The following UNC80 variants were observed in gnomAD, a reference collection of about 807,000 sequenced individuals.
The protein encoded by UNC80 is unc-80 subunit of NALCN channel complex.
In UNC80, 164 loss-of-function variants were observed where a neutral mutation model predicts 384.6. That is an observed-to-expected ratio of 0.43 (90% CI 0.38 to 0.49). The LOEUF (loss-of-function observed/expected upper bound fraction) is 0.49. Ranked by LOEUF, UNC80 falls within the 20% of genes least tolerant of loss-of-function variation. The probability of loss-of-function intolerance (pLI) is 0.00; values close to 1 mark genes in which losing one functional copy is unlikely to be tolerated. For missense variants in UNC80, 3,330 were observed against 4,143.0 expected (o/e 0.80, Z 5.39); for synonymous variants, 1,486 against 1,527.8 (o/e 0.97, Z 0.64).
chr2:209,969,723 C>T (rs1232990569), intron 52 of UNC80, 45 bp from the exon 53 acceptor site: 2 of 1,549,302 alleles, frequency 1.3e-6, no homozygotes, highest in African/African-American at 1.4e-5. Context: ...TTCAGACTCT[C>T]CAGAAGGGAG....
Position 209,996,613 on chromosome 2 carries a change from A to C in UNC80, c.*1018A>C, listed in dbSNP as rs1434971114. 6.6e-6 allele frequency: 1 copy of C among 152,212 alleles called. No homozygotes were observed. The highest frequency in any genetic ancestry group is 1.5e-5 in the Non-Finnish European group (1 of 68,022). The allele number at this position is 152,212 out of a possible 1,614,324, so 9.4% of individuals were successfully genotyped here. On this transcript the variant is annotated 3_prime_UTR_variant, in exon 65 of 65. Transcript: ENST00000673920. ...GGAACATCTAAGTTTATAAGGAAAA[A>C]TGTATAAAGTAAGCAATTTCTTCAT...
At position 209,934,499 on chromosome 2, in the gene UNC80, C is replaced by G. The variant is rs181321067; in HGVS notation, c.6178+494C>G. 2.3e-3 allele frequency among the ~76,000 whole-genome samples: 344 copies of G among 152,262 alleles called. 1 individual carries two copies. The highest frequency in any genetic ancestry group is 8.0e-3 in the African/African-American group (333 of 41,534). On this transcript the variant is annotated intron_variant, in intron 39 of 64. Coordinates refer to ENST00000673920, the MANE Select transcript of UNC80 (RefSeq NM_001371986.1). ...TACGGTTCCTTTTCACTTCGGATAG[C>G]TTGTTTTGCCTTAAGACAAAGATTT...
chr2:209,991,325 C>T (rs760763392), intron 61 of UNC80, among the ~76,000 whole-genome samples: 9 of 152,142 alleles, frequency 5.9e-5, no homozygotes, highest in Middle Eastern at 3.2e-3. Flanking sequence ...TTCATCCCCA[C>T]GCCCATTATA....
intron 27 of UNC80, among the ~76,000 whole-genome samples, chr2:209,894,659 T>C (rs2086644583): frequency 6.6e-6 from 1 of 152,206 alleles, no homozygotes; most frequent in Non-Finnish European, 1.5e-5. Flanking sequence ...GTGGAGCCGA[T>C]GCTGCTGATT....
chr2:209,807,491 A>T (rs138515898), intron 7 of UNC80, among the ~76,000 whole-genome samples: 3,463 of 151,666 alleles, frequency 0.023, 115 homozygotes, highest in African/African-American at 0.078. Context: ...CAGCCTCCCA[A>T]GTAGCTGGGA....
At chr2:209,989,159 CAAAA>C (rs11288927) in intron 61 of UNC80, among the ~76,000 whole-genome samples, 1 of 140,728 alleles carries the variant, frequency 7.1e-6, no homozygotes, top group Non-Finnish European at 1.5e-5. Context: ...CAAAAAATAC[CAAAA>C]AAAAAAAAAA....
chr2:209,931,141 T>C (rs1200161082), intron 38 of UNC80, 87 bp downstream of exon 38: 1 of 1,032,360 alleles, frequency 9.7e-7, no homozygotes, highest in Non-Finnish European at 1.4e-6. Flanking sequence ...TTTCCATTAA[T>C]TACATTACTA....
At chr2:209,956,250 G>A (rs1319214146) in intron 48 of UNC80, among the ~76,000 whole-genome samples, 1 of 234 alleles carries the variant, frequency 4.3e-3, no homozygotes, top group Non-Finnish European at 0.013. Context: ...TCATTATTTG[G>A]TAGTAGTTAC....
chr2:209,863,716 A>G (rs906563112), intron 22 of UNC80, among the ~76,000 whole-genome samples: 3 of 151,962 alleles, frequency 2.0e-5, no homozygotes, highest in Admixed American at 1.3e-4. Context: ...TAAACTGGTT[A>G]TTCTAGTTAG....
intron 22 of UNC80, among the ~76,000 whole-genome samples, chr2:209,866,994 T>A (rs2083886157): frequency 6.6e-6 from 1 of 152,272 alleles, no homozygotes; most frequent in Non-Finnish European, 1.5e-5. Flanking sequence ...TAAATCAGGA[T>A]AACTGGAATA....
intron 47 of UNC80, among the ~76,000 whole-genome samples, chr2:209,948,275 A>C (rs2092001486): frequency 6.6e-6 from 1 of 152,112 alleles, no homozygotes. Context: ...AGGTGGTTTC[A>C]ATTTTCATTC....
intron 2 of UNC80, among the ~76,000 whole-genome samples, chr2:209,774,123 G>A (rs2076735037): frequency 1.3e-5 from 2 of 152,202 alleles, no homozygotes. Context: ...TGACCTTGTG[G>A]TAAGGAGCTC....
Position 209,967,604 on chromosome 2 carries a change from T to C in UNC80, c.7973T>C (p.Met2658Thr), listed in dbSNP as rs996026425. ...LILILKRLDR[M>T]FNKIHKMPTL... The stretch of plus-strand genomic sequence containing the variant: ...CTCATTTTAAAAAGATTGGATAGAA[T>C]GTTCAACAAAATTCATAAGATGCCT... The change falls in exon 52 of 65, where the codon ATG becomes ACG. Residue 2658 changes from methionine to threonine, a missense_variant. Physicochemically the swap from Met to Thr is moderately conservative, Grantham distance 81 (BLOSUM62 -1). This residue lies in a region of UNC80 where 1,049 missense variants were observed against 1,488.6 expected (regional missense o/e 0.70). Transcript: ENST00000673920. 1 of 1,551,628 alleles carries C rather than the reference T, an allele frequency of 6.4e-7. No homozygotes were observed. The highest frequency in any genetic ancestry group is 2.4e-5 in the East Asian group (1 of 40,920).
chr2:209,982,749 G>A (rs916459478), intron 60 of UNC80: 1 of 152,176 alleles, frequency 6.6e-6, no homozygotes, highest in African/African-American at 2.4e-5. Flanking sequence ...AAGGATCTAT[G>A]CCACTGAGTG....
chr2:209,826,819 G>T (rs2191905), intron 14 of UNC80, among the ~76,000 whole-genome samples: 2 of 151,974 alleles, frequency 1.3e-5, no homozygotes, highest in African/African-American at 4.8e-5. Context: ...TTAAAAAAAA[G>T]GAGTTTGATG....
chr2:209,829,287 C>T lies in UNC80; in HGVS notation c.2534C>T (p.Thr845Ile), dbSNP rs372195299. Residue 845 changes from threonine (T) to isoleucine (I), a missense_variant, in exon 15 of 65, where the codon ACC (threonine) becomes ATC (isoleucine). By Grantham distance (89) the Thr-to-Ile change is moderately conservative. Coordinates refer to ENST00000673920, the MANE Select transcript of UNC80 (RefSeq NM_001371986.1). ...CTAGATAAGATGCAGTTCCGACAAA[C>T]CATGAGGGACTATGTGAACAAGGAC... ...YKLDKMQFRQ[T>I]MRDYVNKDSL... is the part of the protein sequence containing the mutation. The T allele has an allele frequency of 6.1e-5, 94 of 1,551,282 alleles. No homozygotes were observed. In the African/African-American group the frequency reaches 1.2e-3, roughly 19 times the overall value.
chr2:209,907,087 G>T (rs140606817), intron 29 of UNC80, among the ~76,000 whole-genome samples: 2,471 of 152,104 alleles, frequency 0.016, 75 homozygotes, highest in African/African-American at 0.056. Context: ...TAAGCACAGG[G>T]CCTACTGCAG....
chr2:209,893,417 T>A (rs1254710623), intron 26 of UNC80, among the ~76,000 whole-genome samples: 1 of 152,196 alleles, frequency 6.6e-6, no homozygotes, highest in African/African-American at 2.4e-5. Flanking sequence ...TAAATGCATT[T>A]CTTTTACCCG....
chr2:209,953,835 T>C (rs2092298638), intron 47 of UNC80, among the ~76,000 whole-genome samples: 2 of 152,236 alleles, frequency 1.3e-5, no homozygotes, highest in Non-Finnish European at 2.9e-5. Context: ...CTTTCAACCA[T>C]TTATTTGTAT....
Sources: gnomAD v4.1 joint callset for allele counts (sites outside exome capture counted in the v4.1 genomes callset) on GRCh38, gnomAD v4.1.1 for gene constraint, gnomAD v4.1.1 regional missense constraint, MANE v1.5 for transcripts, NCBI Gene and HGNC (gene_info 2026-07-23, HGNC 2026-07-21) for gene names.